SMARCA1: variants seen among roughly 807,000 people sequenced by gnomAD.
The protein encoded by SMARCA1 is SWI/SNF-related matrix-associated actin-dependent regulator of chromatin subfamily A member 1.
Under a neutral mutation model 93.6 loss-of-function variants are expected in SMARCA1, and 17 were observed. The observed-to-expected ratio is 0.18, with a 90% CI of 0.12 to 0.27. SMARCA1 has a LOEUF of 0.27. Ranked by LOEUF, SMARCA1 falls within the 10% of genes least tolerant of loss-of-function variation. The pLI is 1.00. For missense variants in SMARCA1, 630 were observed against 819.0 expected (o/e 0.77, Z 2.82); for synonymous variants, 271 against 271.4 (o/e 1.00, Z 0.01).
rs1486856847 is a variant in SMARCA1 at position 129,516,491 on chromosome X, C to T, written c.268G>A (p.Asp90Asn). 1 of 1,197,251 alleles carries T rather than the reference C, an allele frequency of 8.4e-7. No homozygotes were observed. Residue 90 changes from aspartate to asparagine, a missense_variant, in exon 3 of 25, where the codon GAC becomes AAC. Transcript: ENST00000371121. ...DPEYEEKMKA[D>N]RAKRFEFLLK... ...AAAAATTCAAATCTCTTTGCTCGGT[C>T]GGCTTTCTAATTTGCAAAACAAAAG... is the stretch of plus-strand genomic sequence containing the variant.
intron 17 of SMARCA1, among the ~76,000 whole-genome samples, chrX:129,485,823 C>T (rs769196629): frequency 9.0e-6 from 1 of 111,507 alleles, no homozygotes; most frequent in African/African-American, 3.3e-5. Flanking sequence ...CTGTCTCTGC[C>T]ATGTGGTCTC....
At chrX:129,523,142 C>T in intron 1 of SMARCA1, 55 bp downstream of exon 1, 2 of 1,175,004 alleles carry the variant, frequency 1.7e-6, no homozygotes, top group Non-Finnish European at 2.3e-6. Flanking sequence ...TTGGGCCCCT[C>T]AGAGGGGCCA....
intron 7 of SMARCA1, 74 bp from the exon 8 acceptor site, chrX:129,506,285 C>T (rs1934806220): frequency 7.8e-6 from 6 of 768,993 alleles, no homozygotes; most frequent in Admixed American, 5.2e-5. Context: ...TGTAATTTAT[C>T]CAACCAATAT....
chrX:129,473,736 T>C (rs1569431469), intron 19 of SMARCA1, among the ~76,000 whole-genome samples: 1 of 112,236 alleles, frequency 8.9e-6, no homozygotes, highest in African/African-American at 3.2e-5. Context: ...TGTGAAATTC[T>C]AGAACAAAAA....
rs1393142880 is a variant in SMARCA1 at position 129,465,529 on chromosome X, C to T, written c.3021G>A (p.Arg1007=). Residue 1007 remains arginine, a synonymous_variant, in exon 23 of 25, where the codon AGG becomes AGA. Transcript: ENST00000371121. ...QFRFDWFIKS[R]TAMEFQRRCN... is the part of the protein sequence containing the mutation. The stretch of plus-strand genomic sequence containing the variant: ...AGAAAGGAATACATACCATGGCAGT[C>T]CTAGACTTGATAAACCAGTCAAATC... 8 of 1,191,825 alleles carry T rather than the reference C, an allele frequency of 6.7e-6. No individual in the cohort carries two copies. The highest frequency in any genetic ancestry group is 2.2e-5 in the Admixed American group (1 of 45,241).
At chrX:129,477,455 A>T (rs1359103263) in intron 19 of SMARCA1, among the ~76,000 whole-genome samples, 1 of 110,833 alleles carries the variant, frequency 9.0e-6, no homozygotes, top group Non-Finnish European at 1.9e-5. Context: ...TGGGAGGCTG[A>T]GGCAGGAGAA....
At chrX:129,509,689 C>T (rs1190184923) in intron 6 of SMARCA1, among the ~76,000 whole-genome samples, 1 of 111,892 alleles carries the variant, frequency 8.9e-6, no homozygotes, top group Non-Finnish European at 1.9e-5. Flanking sequence ...TCCAAAAGCT[C>T]TCATTTTAGA....
At chrX:129,513,723 C>T (rs1935094280) in intron 5 of SMARCA1, among the ~76,000 whole-genome samples, 2 of 109,113 alleles carry the variant, frequency 1.8e-5, no homozygotes, top group Admixed American at 2.0e-4. Flanking sequence ...TCCAATTAAC[C>T]AAGCTCCTCC....
intron 19 of SMARCA1, 65 bp downstream of exon 19, chrX:129,480,636 A>G (rs1289543018): frequency 2.4e-6 from 1 of 424,917 alleles, no homozygotes; most frequent in Non-Finnish European, 3.6e-6. Context: ...CTTCTAGTCT[A>G]GATTAACAGA....
chrX:129,459,996 A>G (rs1225426484), intron 23 of SMARCA1, among the ~76,000 whole-genome samples: 1 of 110,791 alleles, frequency 9.0e-6, no homozygotes, highest in Admixed American at 9.6e-5. Flanking sequence ...CAAAAACTAA[A>G]AAAGCCAGCT....
At chrX:129,517,347 A>G (rs997921872) in intron 2 of SMARCA1, among the ~76,000 whole-genome samples, 4 of 111,282 alleles carry the variant, frequency 3.6e-5, no homozygotes, top group Non-Finnish European at 7.6e-5. Context: ...GAAAAAATAA[A>G]GACTATTTAT....
At chrX:129,514,372 A>G (rs1271705565) in intron 5 of SMARCA1, among the ~76,000 whole-genome samples, 1 of 112,082 alleles carries the variant, frequency 8.9e-6, no homozygotes, top group East Asian at 2.8e-4. Context: ...AGCATCTTAT[A>G]TGCCTTACTT....
chrX:129,497,759 T>C (rs1934392361), intron 11 of SMARCA1, 86 bp downstream of exon 11: 1 of 576,458 alleles, frequency 1.7e-6, no homozygotes, highest in East Asian at 3.6e-5. Context: ...GCTGAATAAG[T>C]GAATGAATGA....
At position 129,481,191 on chromosome X, in the gene SMARCA1, C is replaced by G; in HGVS notation, c.2218-6G>C. 1.8e-6 allele frequency: 2 copies of G among 1,116,437 alleles called. No individual in the cohort carries two copies. Among genetic ancestry groups the G allele is most frequent in the Non-Finnish European group, 1.2e-6 (1 of 812,427 alleles). 92.0% of individuals were successfully genotyped at this position (1,116,437 alleles called of 1,213,427 possible). On this transcript the variant is annotated splice_region_variant and splice_polypyrimidine_tract_variant and intron_variant, in intron 17 of 24. Coordinates refer to ENST00000371121, the MANE Select transcript of SMARCA1 (RefSeq NM_001282874.2). ...ATCCATTCCACCATGCCAAGCTATA[C>G]ACAACAAACAACAACAAGGGGTTTA...
intron 5 of SMARCA1, among the ~76,000 whole-genome samples, chrX:129,512,501 C>T (rs1045103632): frequency 9.0e-6 from 1 of 111,497 alleles, no homozygotes; most frequent in African/African-American, 3.3e-5. Flanking sequence ...AACCACAAAA[C>T]AGAACTTTGC....
At position 129,492,028 on chromosome X, in the gene SMARCA1, A is replaced by C. The variant is rs1406695263; in HGVS notation, c.1728T>G (p.Ala576=). ...SKFIFMLSTR[A]GGLGINLASA... ...TTGCCAGGTTAATTCCGAGACCTCCAGCCCTGGTACTTAGCATAAAGATGA... is the reference window on the plus strand; with the variant it reads ...TTGCCAGGTTAATTCCGAGACCTCCCGCCCTGGTACTTAGCATAAAGATGA... The change falls in exon 14 of 25, where the codon GCT becomes GCG. Residue 576 remains alanine, a synonymous_variant. Coordinates refer to ENST00000371121, the MANE Select transcript of SMARCA1 (RefSeq NM_001282874.2). The C allele has an allele frequency of 3.4e-6, 4 of 1,185,484 alleles. No individual in the cohort carries two copies. Among genetic ancestry groups the C allele is most frequent in the African/African-American group, 1.8e-5 (1 of 56,664 alleles).
At chrX:129,487,217 G>A (rs998407325) in intron 16 of SMARCA1, 80 bp from the exon 17 acceptor site, 6 of 710,926 alleles carry the variant, frequency 8.4e-6, no homozygotes, top group Non-Finnish European at 1.2e-5. Flanking sequence ...CTTTTTAATA[G>A]TCAGGTTTTG....
Position 129,520,836 on chromosome X carries a change from T to C in SMARCA1, c.174+2361A>G, listed in dbSNP as rs139206399. On this transcript the variant is annotated intron_variant, in intron 1 of 24. Transcript: ENST00000371121. ...GAAACTAGAGGTGTTTAAAAAGTGA[T>C]CGCTAACAGCCTGGCAATTAAGGAA... Among the ~76,000 whole-genome samples, 693 of 112,483 alleles carry C rather than the reference T, an allele frequency of 6.2e-3. 2 individuals are homozygous for C. The highest frequency in any genetic ancestry group is 0.032 in the Middle Eastern group (7 of 218).
At chrX:129,474,832 T>C (rs1343585901) in intron 19 of SMARCA1, among the ~76,000 whole-genome samples, 1 of 110,959 alleles carries the variant, frequency 9.0e-6, no homozygotes, top group African/African-American at 3.3e-5. Context: ...TGAGAGGTAA[T>C]TGAATCATGG....
Sources: gnomAD v4.1 joint callset for allele counts (sites outside exome capture counted in the v4.1 genomes callset) on GRCh38, gnomAD v4.1.1 for gene constraint, MANE v1.5 for transcripts, NCBI Gene and HGNC (gene_info 2026-07-23, HGNC 2026-07-21) for gene names.